Variants in GLRX3 observed in about 807,000 individuals in gnomAD.
GLRX3 encodes glutaredoxin-3.
A neutral mutation model predicts 49.5 loss-of-function variants in GLRX3; 22 were observed. The ratio of observed to expected loss-of-function variants is 0.44; its 90% confidence interval spans 0.32 to 0.63. The LOEUF is 0.63. GLRX3 is among the 30% of genes least tolerant of loss of function. GLRX3 has a pLI of 0.05. For synonymous variants in GLRX3, 133 were observed against 140.0 expected, an observed-to-expected ratio of 0.95 and a Z score of 0.35; for missense variants, 385 against 396.3, an observed-to-expected ratio of 0.97 and a Z score of 0.24.
chr10:130,173,333 A>G (rs1298505683), intron 8 of GLRX3, among the ~76,000 whole-genome samples: 3 of 152,250 alleles, frequency 2.0e-5, no homozygotes, highest in East Asian at 3.9e-4. Flanking sequence ...GCTTTGGGAG[A>G]GCATGACCTC....
chr10:130,163,282 G>A (rs1317247890), intron 4 of GLRX3, among the ~76,000 whole-genome samples: 2 of 152,056 alleles, frequency 1.3e-5, no homozygotes, highest in Non-Finnish European at 2.9e-5. Context: ...AAAATTAGCT[G>A]GGCATGGTGG....
At chr10:130,165,057 C>T (rs1004328620) in intron 4 of GLRX3, among the ~76,000 whole-genome samples, 5 of 152,180 alleles carry the variant, frequency 3.3e-5, no homozygotes, top group African/African-American at 9.7e-5. Flanking sequence ...ACTTGTAGAT[C>T]CATGTTTTAA....
At position 130,174,870 on chromosome 10, in the gene GLRX3, T is replaced by C. The variant is rs765784800; in HGVS notation, c.828T>C (p.Val276=). The C allele has an allele frequency of 3.8e-6, 6 of 1,582,742 alleles. No individual in the cohort carries two copies. In the East Asian group the frequency reaches 1.3e-4, roughly 35 times the overall value. ...QILEILNSTG[V]EYETFDILED... is the part of the protein sequence containing the mutation. ...AAATGTCTTCTCTTTTTTGCAGTGT[T>C]GAATATGAAACATTCGATATATTGG... The change falls in exon 9 of 11, where the codon GTT becomes GTC. Residue 276 remains valine (V), a synonymous_variant. Transcript: ENST00000331244.
chr10:130,141,045 T>G (rs1365322669), intron 1 of GLRX3, among the ~76,000 whole-genome samples: 2 of 152,212 alleles, frequency 1.3e-5, no homozygotes, highest in Non-Finnish European at 2.9e-5. Flanking sequence ...ATTTAAACAG[T>G]CCTTTTGTTG....
At position 130,145,296 on chromosome 10, in the gene GLRX3, C is replaced by T. The variant is rs146076334; in HGVS notation, c.178C>T (p.Leu60Phe). The change falls in exon 2 of 11, where the codon CTC becomes TTC. Residue 60 changes from leucine to phenylalanine, a missense_variant. Leu to Phe is a conservative substitution (Grantham distance 22). Around this residue, in one of 2 missense-constraint regions of GLRX3, gnomAD observed 374 missense variants for 358.6 expected, o/e 1.04. Transcript: ENST00000331244. ...NEVMAELAKE[L>F]PQVSFVKLEA... ...AGTTATGGCAGAGTTAGCTAAAGAA[C>T]TCCCTCAAGTTTCATTTGTGAAGGT... is the stretch of plus-strand genomic sequence containing the variant. 5.4e-6 allele frequency: 8 copies of T among 1,478,836 alleles called. No homozygotes were observed. In the African/African-American group the frequency reaches 8.3e-5, roughly 15 times the overall value. 91.6% of individuals were successfully genotyped at this position (1,478,836 alleles called of 1,614,324 possible). A position where few individuals can be genotyped will look rare whatever the true frequency, so the allele number is the denominator to read the frequency against.
rs1862889703 is a variant in GLRX3 at position 130,175,093 on chromosome 10, AG to A, written c.957+6del. 3 of 1,472,404 alleles carry A rather than the reference AG, an allele frequency of 2.0e-6. No individual in the cohort carries two copies. The highest frequency in any genetic ancestry group is 2.9e-6 in the Non-Finnish European group (3 of 1,051,684). The allele number at this position is 1,472,404 out of a possible 1,614,324, so 91.2% of individuals were successfully genotyped here. ...GGGAGGATTGGATATTGTGAAGGTA[AG>A]GCCAGTTCTTCTGCTGTTCTAAAGA... On this transcript the variant is annotated splice_donor_5th_base_variant and intron_variant, in intron 10 of 10. Coordinates refer to ENST00000331244, the MANE Select transcript of GLRX3 (RefSeq NM_006541.5).
intron 3 of GLRX3, 90 bp from the exon 4 acceptor site, chr10:130,160,706 G>T: frequency 1.3e-6 from 1 of 757,414 alleles, no homozygotes. Flanking sequence ...TACATCTCCG[G>T]TAATACTGTT....
At position 130,175,103 on chromosome 10, in the gene GLRX3, T is replaced by C. The variant is rs769220254; in HGVS notation, c.957+14T>C. The C allele has an allele frequency of 5.7e-5, 76 of 1,331,300 alleles. No individual in the cohort carries two copies. The highest frequency in any genetic ancestry group is 4.8e-4 in the Middle Eastern group (2 of 4,200). 82.5% of individuals were successfully genotyped at this position (1,331,300 alleles called of 1,614,324 possible). The stretch of plus-strand genomic sequence containing the variant: ...GATATTGTGAAGGTAAGGCCAGTTC[T>C]TCTGCTGTTCTAAAGAACGGAAAAG... On this transcript the variant is annotated intron_variant, in intron 10 of 10. Transcript: ENST00000331244.
chr10:130,159,880 G>T, intron 2 of GLRX3, 115 bp from the exon 3 acceptor site: 1 of 1,348,344 alleles, frequency 7.4e-7, no homozygotes, highest in South Asian at 1.4e-5. Flanking sequence ...TTTGTACCAT[G>T]CTCTTTAAAA....
At chr10:130,148,800 C>G (rs1039436807) in intron 2 of GLRX3, among the ~76,000 whole-genome samples, 2 of 152,086 alleles carry the variant, frequency 1.3e-5, no homozygotes, top group Non-Finnish European at 2.9e-5. Flanking sequence ...CAGTGGCTCA[C>G]ACCTGTAATC....
intron 1 of GLRX3, among the ~76,000 whole-genome samples, chr10:130,138,870 G>T (rs1203730297): frequency 2.0e-4 from 10 of 49,732 alleles, no homozygotes; most frequent in East Asian, 4.9e-4. Context: ...TTTTTTTTTG[G>T]GGGGGAGACA....
At chr10:130,149,835 T>C (rs1862337996) in intron 2 of GLRX3, among the ~76,000 whole-genome samples, 1 of 151,120 alleles carries the variant, frequency 6.6e-6, no homozygotes, top group Non-Finnish European at 1.5e-5. Flanking sequence ...GCCCTATATT[T>C]TTGTCTATAT....
chr10:130,168,578 G>A (rs73391521), intron 6 of GLRX3, among the ~76,000 whole-genome samples: 2,793 of 152,276 alleles, frequency 0.018, 61 homozygotes, highest in East Asian at 0.1. Flanking sequence ...CCGGGTAGCC[G>A]TGACCACAGG....
intron 2 of GLRX3, among the ~76,000 whole-genome samples, chr10:130,148,009 T>TA (rs1173830720): frequency 6.6e-6 from 1 of 152,102 alleles, no homozygotes; most frequent in East Asian, 1.9e-4. Flanking sequence ...CGTAGAGTGA[T>TA]ACCATGTCTC....
intron 4 of GLRX3, among the ~76,000 whole-genome samples, chr10:130,166,180 T>A (rs1315269087): frequency 6.7e-6 from 1 of 148,216 alleles, no homozygotes; most frequent in East Asian, 1.9e-4. Flanking sequence ...TGGCTAGTGC[T>A]ATTTCTCCTG....
rs1862237314 is a variant in GLRX3 at position 130,144,584 on chromosome 10, T to G, written c.93-627T>G. On this transcript the variant is annotated intron_variant, in intron 1 of 10. Coordinates refer to ENST00000331244, the MANE Select transcript of GLRX3 (RefSeq NM_006541.5). The stretch of plus-strand genomic sequence containing the variant: ...TTTGTTTTTCTGTTCCTGTGTTAGT[T>G]TACTGAGAATGGTGGCTTCCAGCTT... 3.3e-5 allele frequency among the ~76,000 whole-genome samples: 5 copies of G among 152,140 alleles called. No homozygotes were observed. The South Asian group carries it at 8.3e-4, about 25-fold the overall frequency.
chr10:130,164,200 G>T (rs946847952), intron 4 of GLRX3, among the ~76,000 whole-genome samples: 1 of 152,082 alleles, frequency 6.6e-6, no homozygotes, highest in African/African-American at 2.4e-5. Context: ...TAGGGTCTCA[G>T]TTGAAAAGAA....
chr10:130,138,847 GTTT>G (rs61152449), intron 1 of GLRX3, among the ~76,000 whole-genome samples: 8 of 95,030 alleles, frequency 8.4e-5, no homozygotes, highest in African/African-American at 1.7e-4. Flanking sequence ...GAATAAAAGT[GTTT>G]TTTTTTTTTT....
Position 130,145,223 on chromosome 10 carries a change from G to A in GLRX3, c.105G>A (p.Val35=). 7.0e-7 allele frequency: 1 copy of A among 1,422,240 alleles called. No individual in the cohort carries two copies. Among genetic ancestry groups the A allele is most frequent in the Non-Finnish European group, 9.8e-7 (1 of 1,023,372 alleles). 88.1% of individuals were successfully genotyped at this position (1,422,240 alleles called of 1,614,324 possible). ...AATTGATTTACAGGTCCCTCCTTGT[G>A]GTCCATTTCTGGGCACCATGGGCTC... ...LLRLKAKSLL[V]VHFWAPWAPQ... is the part of the protein sequence containing the mutation. Residue 35 remains valine, a synonymous_variant, in exon 2 of 11, where the codon GTG becomes GTA. Coordinates refer to ENST00000331244, the MANE Select transcript of GLRX3 (RefSeq NM_006541.5).
Sources: allele counts gnomAD v4.1 joint callset (sites outside exome capture counted in the v4.1 genomes callset), GRCh38; gene constraint gnomAD v4.1.1; regional missense constraint gnomAD v4.1.1; transcripts MANE v1.5; gene names NCBI Gene and HGNC (gene_info 2026-07-23, HGNC 2026-07-21).